Variants in SNX13 observed in about 807,000 individuals in gnomAD.
SNX13 encodes the protein sorting nexin-13.
Under a neutral mutation model 133.6 loss-of-function variants are expected in SNX13, and 45 were observed. That is an observed-to-expected ratio of 0.34 (90% CI 0.27 to 0.43). The LOEUF is 0.43. Among genes scored for constraint, SNX13 ranks in the 20% least tolerant of loss-of-function variants. The pLI is 1.00. For missense variants in SNX13, 1,032 were observed against 1,145.1 expected, an observed-to-expected ratio of 0.90 and a Z score of 1.43; for synonymous variants, 414 against 373.9, an observed-to-expected ratio of 1.11 and a Z score of -1.24.
rs865883792 is a variant in SNX13, at chr7:17,892,202, T to C, written c.229-567A>G. Among the ~76,000 whole-genome samples, 7 of 152,116 alleles carry C rather than the reference T, an allele frequency of 4.6e-5. No individual in the cohort carries two copies. In the South Asian group the frequency reaches 1.2e-3, roughly 27 times the overall value. On this transcript the variant is annotated intron_variant, in intron 3 of 25. Transcript: ENST00000428135. ...ATAAACATAGATACAGATATAGACA[T>C]AGATATCTATATTAAAAATACATGC...
At chr7:17,828,192 T>C (rs1006222901) in intron 16 of SNX13, among the ~76,000 whole-genome samples, 1 of 151,782 alleles carries the variant, frequency 6.6e-6, no homozygotes, top group Non-Finnish European at 1.5e-5. Flanking sequence ...GTTACAGTTA[T>C]AGTGCACGTA....
chr7:17,882,722 T>G, intron 5 of SNX13: 1 of 933,870 alleles, frequency 1.1e-6, no homozygotes, highest in Non-Finnish European at 1.4e-6. Context: ...AAATCAAGAT[T>G]AGTAACAACC....
intron 5 of SNX13, chr7:17,888,416 G>GTAT (rs1796253406): frequency 4.4e-6 from 1 of 229,048 alleles, no homozygotes; most frequent in South Asian, 5.2e-5. Context: ...AACAGGGAAA[G>GTAT]TATTGCAATA....
intron 5 of SNX13, chr7:17,890,086 T>C: frequency 4.1e-6 from 1 of 242,246 alleles, no homozygotes; most frequent in Non-Finnish European, 7.9e-6. Flanking sequence ...GGTAACAGAT[T>C]TGAAAAGTCA....
chr7:17,819,409 T>C (rs944747337), intron 18 of SNX13, among the ~76,000 whole-genome samples: 44 of 152,164 alleles, frequency 2.9e-4, no homozygotes, highest in Middle Eastern at 3.4e-3. Flanking sequence ...TGTATTTTTG[T>C]AGAGATGAGG....
intron 25 of SNX13, chr7:17,794,991 T>G (rs1783893392): frequency 6.6e-6 from 1 of 151,826 alleles, no homozygotes; most frequent in Non-Finnish European, 1.5e-5. Flanking sequence ...GGGCAGGATT[T>G]TGATAGGTGC....
chr7:17,841,600 G>A (rs1216405539), intron 12 of SNX13, among the ~76,000 whole-genome samples: 12 of 97,534 alleles, frequency 1.2e-4, no homozygotes, highest in African/African-American at 5.3e-4. Context: ...ACACCCCAAG[G>A]CATACAAAGT....
chr7:17,873,876 A>C (rs1370485185), intron 7 of SNX13, among the ~76,000 whole-genome samples: 1 of 152,176 alleles, frequency 6.6e-6, no homozygotes, highest in Non-Finnish European at 1.5e-5. Flanking sequence ...TTTCGTTACA[A>C]GTCTTTTTTC....
intron 1 of SNX13, among the ~76,000 whole-genome samples, chr7:17,902,233 A>G (rs890498776): frequency 2.2e-5 from 3 of 138,402 alleles, no homozygotes; most frequent in Non-Finnish European, 4.6e-5. Flanking sequence ...AACAGTCATT[A>G]CTGTCATGGT....
At chr7:17,818,601 C>T (rs1441255743) in intron 18 of SNX13, among the ~76,000 whole-genome samples, 3 of 152,112 alleles carry the variant, frequency 2.0e-5, no homozygotes, top group Non-Finnish European at 2.9e-5. Context: ...ATAATCCCCT[C>T]TGCCAAAAAT....
At chr7:17,848,503 C>T (rs577912905) in intron 11 of SNX13, among the ~76,000 whole-genome samples, 25 of 152,324 alleles carry the variant, frequency 1.6e-4, no homozygotes, top group African/African-American at 6.0e-4. Context: ...AAGCCATCCA[C>T]AGACAGCAGA....
chr7:17,796,909 T>TGCTAAAATGCCATTTG lies in SNX13; in HGVS notation c.2528_2543dup (p.Glu849LysfsTer13). The TGCTAAAATGCCATTTG allele has an allele frequency of 6.2e-7, 1 of 1,611,032 alleles. No homozygotes were observed. Among genetic ancestry groups the TGCTAAAATGCCATTTG allele is most frequent in the Non-Finnish European group, 8.5e-7 (1 of 1,178,034 alleles). ...TTTTATCTCTGCATGGAACAGCCTCTGCTAAAATGCCATTTGGCCAAAATG... is the reference window on the plus strand; with the variant it reads ...TTTTATCTCTGCATGGAACAGCCTCTGCTAAAATGCCATTTGGCTAAAATGCCATTTGGCCAAAATG... On this transcript the variant is annotated frameshift_variant, in exon 25 of 26. Coordinates refer to ENST00000428135, the MANE Select transcript of SNX13 (RefSeq NM_015132.5). LOFTEE classifies it high-confidence loss of function.
chr7:17,935,620 T>G (rs1801927030), intron 1 of SNX13, among the ~76,000 whole-genome samples: 2 of 152,180 alleles, frequency 1.3e-5, no homozygotes, highest in African/African-American at 4.8e-5. Flanking sequence ...TCAATTAAAA[T>G]AATATTTAAA....
chr7:17,894,698 C>A (rs1162374934), intron 2 of SNX13, among the ~76,000 whole-genome samples: 1 of 152,042 alleles, frequency 6.6e-6, no homozygotes, highest in South Asian at 2.1e-4. Context: ...TGTTGGAAAT[C>A]CATCAAAAAA....
rs1281746750 is a variant in SNX13 at position 17,928,150 on chromosome 7, C to A, written c.12+12134G>T. 2.0e-5 allele frequency among the ~76,000 whole-genome samples: 3 copies of A among 152,300 alleles called. No individual in the cohort carries two copies. In the East Asian group the frequency reaches 5.8e-4, roughly 29 times the overall value. ...AATGCATGGTATTAACACTTCATTT[C>A]TTTCTTATGAAAAGGAGCACCCTCT... On this transcript the variant is annotated intron_variant, in intron 1 of 25. Coordinates refer to ENST00000428135, the MANE Select transcript of SNX13 (RefSeq NM_015132.5).
chr7:17,815,087 C>G, intron 19 of SNX13, 143 bp from the exon 20 acceptor site: 2 of 881,202 alleles, frequency 2.3e-6, no homozygotes, highest in Non-Finnish European at 3.1e-6. Flanking sequence ...CCCAATTATA[C>G]AGTTAGGATA....
At chr7:17,814,574 GTC>G (rs1786434016) in intron 20 of SNX13, among the ~76,000 whole-genome samples, 1 of 151,966 alleles carries the variant, frequency 6.6e-6, no homozygotes, top group South Asian at 2.1e-4. Context: ...CTTGTGACTT[GTC>G]TCAGGCAAAC....
At position 17,871,886 on chromosome 7, in the gene SNX13, T is replaced by C. The variant is rs545516067; in HGVS notation, c.753+1642A>G. On this transcript the variant is annotated intron_variant, in intron 8 of 25. Coordinates refer to ENST00000428135, the MANE Select transcript of SNX13 (RefSeq NM_015132.5). ...GAGAGGTAAATAAGGCCACACTACATGCGAACCTATAAGCCTCTTGAAGGA... is the reference window on the plus strand; with the variant it reads ...GAGAGGTAAATAAGGCCACACTACACGCGAACCTATAAGCCTCTTGAAGGA... Among the ~76,000 whole-genome samples the C allele has an allele frequency of 5.9e-5, 9 of 152,296 alleles. No homozygotes were observed. In the South Asian group the frequency reaches 6.2e-4, roughly 11 times the overall value.
At chr7:17,861,332 TACAGTTATCTCACA>T (rs1562793563) in intron 9 of SNX13, among the ~76,000 whole-genome samples, 11 of 130,344 alleles carry the variant, frequency 8.4e-5, no homozygotes, top group Non-Finnish European at 1.4e-4. Flanking sequence ...TTATCACACA[TACAGTTATCTCACA>T]CACACACACA....
Sources: gnomAD v4.1 joint callset for allele counts (sites outside exome capture counted in the v4.1 genomes callset) on GRCh38, gnomAD v4.1.1 for gene constraint, MANE v1.5 for transcripts, NCBI Gene and HGNC (gene_info 2026-07-23, HGNC 2026-07-21) for gene names.